Variants in PPARGC1A observed in about 807,000 individuals in gnomAD.
PPARGC1A encodes peroxisome proliferator-activated receptor gamma coactivator 1-alpha.
PPARGC1A carries 25 observed loss-of-function variants against 88.7 expected under a neutral mutation model. The ratio of observed to expected loss-of-function variants is 0.28; its 90% CI spans 0.21 to 0.39. The LOEUF (loss-of-function observed/expected upper bound fraction) is 0.39, where lower values mean the gene tolerates loss of function less well. Ranked by LOEUF, PPARGC1A falls within the 10% of genes least tolerant of loss-of-function variation. The probability of loss-of-function intolerance (pLI) is 1.00; values close to 1 mark genes in which losing one functional copy is unlikely to be tolerated. For missense variants in PPARGC1A, 880 were observed against 968.7 expected, an observed-to-expected ratio of 0.91 and a Z score of 1.22; for synonymous variants, 363 against 355.6, an observed-to-expected ratio of 1.02 and a Z score of -0.24.
At chr4:24,187,241 C>A in the PPARGC1A span, among the ~76,000 whole-genome samples, 1 of 152,298 alleles carries the variant, frequency 6.6e-6, no homozygotes, top group African/African-American at 2.4e-5. Context: ...TGTGAGCTGG[C>A]ATTTCTCTAA....
the PPARGC1A span, among the ~76,000 whole-genome samples, chr4:24,184,866 C>A: frequency 6.6e-6 from 1 of 151,870 alleles, no homozygotes. Context: ...GGATAAGAAG[C>A]GGCAGAAAAG....
At chr4:23,942,174 A>G in the PPARGC1A span, among the ~76,000 whole-genome samples, 1 of 152,176 alleles carries the variant, frequency 6.6e-6, no homozygotes, top group African/African-American at 2.4e-5. Context: ...GCAGCAATCC[A>G]TGCATGTTCT....
the PPARGC1A span, among the ~76,000 whole-genome samples, chr4:24,398,862 A>C: frequency 6.6e-6 from 1 of 152,252 alleles, no homozygotes; most frequent in Non-Finnish European, 1.5e-5. Flanking sequence ...TCTCTCAGGC[A>C]GGAGAATTTC....
chr4:23,997,164 C>T, the PPARGC1A span, among the ~76,000 whole-genome samples: 25,592 of 152,078 alleles, frequency 0.17, 2,245 homozygotes, highest in South Asian at 0.19. Flanking sequence ...CAAAGCTGAA[C>T]AATCACCAAT....
At chr4:24,448,186 T>G in the PPARGC1A span, among the ~76,000 whole-genome samples, 240 of 152,330 alleles carry the variant, frequency 1.6e-3, 1 homozygote, top group African/African-American at 5.5e-3. Flanking sequence ...TACAGTAATC[T>G]AACTTGATGA....
chr4:24,365,969 G>A, the PPARGC1A span, among the ~76,000 whole-genome samples: 2 of 152,108 alleles, frequency 1.3e-5, no homozygotes, highest in South Asian at 4.1e-4. Flanking sequence ...TAGGCTTCCA[G>A]TTTTGGCTTT....
chr4:24,252,931 A>G, the PPARGC1A span, among the ~76,000 whole-genome samples: 1 of 152,214 alleles, frequency 6.6e-6, no homozygotes, highest in African/African-American at 2.4e-5. Context: ...AATTTATAAT[A>G]TAGCCTCTAT....
At chr4:24,255,591 C>T in the PPARGC1A span, among the ~76,000 whole-genome samples, 1 of 152,184 alleles carries the variant, frequency 6.6e-6, no homozygotes, top group Non-Finnish European at 1.5e-5. Context: ...AGTGGGAACC[C>T]TCCTTGCTGA....
At chr4:23,868,676 A>G (rs1712596057) in intron 2 of PPARGC1A, among the ~76,000 whole-genome samples, 1 of 152,252 alleles carries the variant, frequency 6.6e-6, no homozygotes, top group Admixed American at 6.5e-5. Context: ...ACATGTGACA[A>G]CAAAAATTCA....
At chr4:24,064,546 C>G in the PPARGC1A span, among the ~76,000 whole-genome samples, 9 of 151,996 alleles carry the variant, frequency 5.9e-5, no homozygotes, top group Non-Finnish European at 1.0e-4. Flanking sequence ...TAGAGTTAGT[C>G]CCTGCCAGAA....
the PPARGC1A span, among the ~76,000 whole-genome samples, chr4:24,370,753 T>TCA: frequency 8.5e-6 from 1 of 117,540 alleles, no homozygotes; most frequent in Non-Finnish European, 1.8e-5. Flanking sequence ...CTCTCTCTTT[T>TCA]TTTTTTTTTT....
chr4:23,822,897 T>TA (rs1289799900), intron 7 of PPARGC1A, among the ~76,000 whole-genome samples: 1 of 152,080 alleles, frequency 6.6e-6, no homozygotes, highest in African/African-American at 2.4e-5. Flanking sequence ...GTACAGCTAT[T>TA]ACAATCACAC....
At chr4:24,447,155 A>C in the PPARGC1A span, among the ~76,000 whole-genome samples, 1 of 152,146 alleles carries the variant, frequency 6.6e-6, no homozygotes, top group Admixed American at 6.5e-5. Flanking sequence ...GTAACTGTTA[A>C]CACTCTCCTC....
chr4:24,165,296 G>C, the PPARGC1A span, among the ~76,000 whole-genome samples: 3 of 151,972 alleles, frequency 2.0e-5, no homozygotes, highest in Non-Finnish European at 4.4e-5. Flanking sequence ...ATTGTGACAA[G>C]GCACACTATA....
chr4:23,931,410 T>C, the PPARGC1A span, among the ~76,000 whole-genome samples: 6 of 151,870 alleles, frequency 4.0e-5, no homozygotes, highest in Non-Finnish European at 8.8e-5. Context: ...ATTTTATTTG[T>C]GCTTTTCTGT....
chr4:23,892,579 T>C (rs1220139646), upstream of PPARGC1A, among the ~76,000 whole-genome samples: 1 of 150,888 alleles, frequency 6.6e-6, no homozygotes, highest in Non-Finnish European at 1.5e-5. Flanking sequence ...AGAACTTAAA[T>C]GGTTCATTGC....
chr4:24,229,152 C>CT, the PPARGC1A span, among the ~76,000 whole-genome samples: 14,514 of 60,920 alleles, frequency 0.24, 3,528 homozygotes, highest in Middle Eastern at 0.43. Context: ...GTATCTGGAC[C>CT]TTTTTTTTTT....
At chr4:24,136,919 G>A in the PPARGC1A span, among the ~76,000 whole-genome samples, 2 of 151,986 alleles carry the variant, frequency 1.3e-5, no homozygotes, top group Admixed American at 6.6e-5. Flanking sequence ...TTTGAAACCA[G>A]CCTGATCAAC....
the PPARGC1A span, among the ~76,000 whole-genome samples, chr4:24,034,187 TAGAG>T: frequency 6.6e-6 from 1 of 152,120 alleles, no homozygotes; most frequent in Admixed American, 6.5e-5. Flanking sequence ...ATACTTAAGA[TAGAG>T]AGAAAAGAAG....
Sources: allele counts gnomAD v4.1 joint callset (sites outside exome capture counted in the v4.1 genomes callset), GRCh38; gene constraint gnomAD v4.1.1; transcripts MANE v1.5; gene names NCBI Gene and HGNC (gene_info 2026-07-23, HGNC 2026-07-21).